The following RANBP2 variants were observed in gnomAD, a reference collection of about 807,000 sequenced individuals.
The protein encoded by RANBP2 is RAN binding protein 2.
A neutral mutation model predicts 303.6 loss-of-function variants in RANBP2; 57 were observed. That is an observed-to-expected ratio of 0.19 (90% CI 0.15 to 0.23). The LOEUF (loss-of-function observed/expected upper bound fraction) is 0.23, where lower values mean the gene tolerates loss of function less well. Among genes scored for constraint, RANBP2 ranks in the 10% least tolerant of loss-of-function variants. The pLI, the probability that RANBP2 is intolerant of heterozygous loss-of-function variation, is 1.00. For synonymous variants in RANBP2, 1,167 were observed against 1,301.5 expected (o/e 0.90, Z 2.23); for missense variants, 3,138 against 3,780.8 (o/e 0.83, Z 4.46).
chr2:109,056,784 G>GAC, the RANBP2 span, among the ~76,000 whole-genome samples: 3 of 152,212 alleles, frequency 2.0e-5, no homozygotes, highest in Non-Finnish European at 4.4e-5. Flanking sequence ...CACAGTGCCT[G>GAC]ACACACAGTA....
At chr2:109,396,210 G>T in the RANBP2 span, among the ~76,000 whole-genome samples, 1 of 152,224 alleles carries the variant, frequency 6.6e-6, no homozygotes, top group Non-Finnish European at 1.5e-5. Flanking sequence ...AGGGCTGTGG[G>T]AGGGAACAGG....
the RANBP2 span, among the ~76,000 whole-genome samples, chr2:109,587,952 C>A: frequency 6.6e-6 from 1 of 151,554 alleles, no homozygotes; most frequent in Non-Finnish European, 1.5e-5. Context: ...AAAAATTACC[C>A]GGGCGTGGTG....
the RANBP2 span, among the ~76,000 whole-genome samples, chr2:109,368,626 T>A: frequency 6.6e-6 from 1 of 151,684 alleles, no homozygotes; most frequent in Non-Finnish European, 1.5e-5. Flanking sequence ...ATATTTATAC[T>A]TCTTGTCTTA....
chr2:109,120,048 G>A, the RANBP2 span, among the ~76,000 whole-genome samples: 2 of 152,206 alleles, frequency 1.3e-5, no homozygotes, highest in African/African-American at 4.8e-5. Context: ...TATTTGTCTT[G>A]GGTCCTCCCT....
At chr2:108,855,487 TA>T in the RANBP2 span, among the ~76,000 whole-genome samples, 438 of 137,056 alleles carry the variant, frequency 3.2e-3, no homozygotes, top group Middle Eastern at 7.4e-3. Context: ...GTGGTGTTGC[TA>T]AAAAAAAAAA....
the RANBP2 span, among the ~76,000 whole-genome samples, chr2:109,589,755 G>A: frequency 1.3e-5 from 2 of 151,832 alleles, no homozygotes; most frequent in Non-Finnish European, 1.5e-5. Context: ...CCCGCTTGGA[G>A]GTATCCAAAA....
chr2:109,517,681 C>T, the RANBP2 span, among the ~76,000 whole-genome samples: 3 of 152,212 alleles, frequency 2.0e-5, no homozygotes, highest in African/African-American at 4.8e-5. Flanking sequence ...TTTACTGCTC[C>T]GTCCTGGGCT....
At chr2:108,798,963 T>A in the RANBP2 span, among the ~76,000 whole-genome samples, 1 of 152,116 alleles carries the variant, frequency 6.6e-6, no homozygotes, top group Non-Finnish European at 1.5e-5. Context: ...TTAGCGCATA[T>A]CAGGAAATTA....
the RANBP2 span, among the ~76,000 whole-genome samples, chr2:109,409,863 G>A: frequency 1.3e-5 from 2 of 152,132 alleles, no homozygotes; most frequent in South Asian, 2.1e-4. Context: ...GAGTGGTAGC[G>A]AGTGATGAAT....
chr2:109,036,482 T>G, the RANBP2 span, among the ~76,000 whole-genome samples: 2 of 152,212 alleles, frequency 1.3e-5, no homozygotes, highest in Non-Finnish European at 2.9e-5. Flanking sequence ...TAAAAAATTA[T>G]ATACACCATG....
chr2:109,614,336 T>C, the RANBP2 span: 1 of 670,200 alleles, frequency 1.5e-6, no homozygotes, highest in Non-Finnish European at 2.0e-6. Context: ...CGCGGCCCAG[T>C]GAGGCGGTGG....
chr2:108,764,962 G>T lies in RANBP2; in HGVS notation c.4423G>T (p.Val1475Phe). 6.2e-7 allele frequency: 1 copy of T among 1,614,038 alleles called. No homozygotes were observed. Among genetic ancestry groups the T allele is most frequent in the Non-Finnish European group, 8.5e-7 (1 of 1,179,962 alleles). ...PKPINSDFRS[V>F]FSTKEGQWDC... ...ACCTATTAACAGTGATTTCAGATCT[G>T]TTTTTTCTACAAAGGAAGGACAGTG... Residue 1475 changes from valine (V) to phenylalanine (F), a missense_variant, in exon 20 of 29, where the codon GTT becomes TTT. This residue lies in a region of RANBP2 where 388 missense variants were observed against 328.5 expected (regional missense o/e 1.18). Transcript: ENST00000283195.
the RANBP2 span, among the ~76,000 whole-genome samples, chr2:109,098,148 G>C: frequency 6.6e-6 from 1 of 152,184 alleles, no homozygotes. Flanking sequence ...GAGGTGGAGA[G>C]AGCCTGCAAA....
At chr2:109,098,480 C>T in the RANBP2 span, among the ~76,000 whole-genome samples, 1 of 152,196 alleles carries the variant, frequency 6.6e-6, no homozygotes, top group African/African-American at 2.4e-5. Flanking sequence ...CTGATGGTCA[C>T]TGATTAGTTA....
chr2:109,451,941 T>C, the RANBP2 span, among the ~76,000 whole-genome samples: 1 of 152,232 alleles, frequency 6.6e-6, no homozygotes, highest in African/African-American at 2.4e-5. Flanking sequence ...TGAGGCCCTC[T>C]GAGCTTATGT....
Position 108,764,943 on chromosome 2 carries a change from T to C in RANBP2, c.4404T>C (p.Ile1468=), listed in dbSNP as rs1410952858. Residue 1468 remains isoleucine, a synonymous_variant, in exon 20 of 29, where the codon ATT becomes ATC. Coordinates refer to ENST00000283195, the MANE Select transcript of RANBP2 (RefSeq NM_006267.5). ...GCCAGGGAGATCTTCCTAAACCTAT[T>C]AACAGTGATTTCAGATCTGTTTTTT... ...KFGQGDLPKP[I]NSDFRSVFST... is the part of the protein sequence containing the mutation. 1.2e-5 allele frequency: 19 copies of C among 1,613,936 alleles called. No homozygotes were observed. The highest frequency in any genetic ancestry group is 1.6e-5 in the Non-Finnish European group (19 of 1,179,968).
At chr2:109,081,064 A>T in the RANBP2 span, among the ~76,000 whole-genome samples, 8 of 152,234 alleles carry the variant, frequency 5.3e-5, no homozygotes, top group African/African-American at 1.9e-4. Flanking sequence ...CCCAACTGAG[A>T]TGTGCTGCAG....
the RANBP2 span, among the ~76,000 whole-genome samples, chr2:109,298,110 A>G: frequency 6.6e-6 from 1 of 152,088 alleles, no homozygotes; most frequent in South Asian, 2.1e-4. Context: ...TCTCAGGGGG[A>G]TGCAGAGGTG....
chr2:109,031,632 G>C, the RANBP2 span, among the ~76,000 whole-genome samples: 1 of 152,168 alleles, frequency 6.6e-6, no homozygotes, highest in African/African-American at 2.4e-5. Flanking sequence ...ACCCCCTGCA[G>C]CTCGGCCGGG....
Sources: gnomAD v4.1 joint callset for allele counts (sites outside exome capture counted in the v4.1 genomes callset) on GRCh38, gnomAD v4.1.1 for gene constraint, gnomAD v4.1.1 regional missense constraint, MANE v1.5 for transcripts, NCBI Gene and HGNC (gene_info 2026-07-23, HGNC 2026-07-21) for gene names.